Variants in WLS observed in about 807,000 individuals in gnomAD.
WLS encodes Wnt ligand secretion mediator.
A neutral mutation model predicts 62.8 loss-of-function variants in WLS; 23 were observed. The ratio of observed to expected loss-of-function variants is 0.37; its 90% CI spans 0.26 to 0.52. The LOEUF is 0.52. Among genes scored for constraint, WLS ranks in the 20% least tolerant of loss-of-function variants. The pLI is 0.92. For synonymous variants in WLS, 246 were observed against 244.1 expected, an observed-to-expected ratio of 1.01 and a Z score of -0.07; for missense variants, 615 against 697.3, an observed-to-expected ratio of 0.88 and a Z score of 1.33.
At chr1:68,108,479 A>G (rs1646177364) in intron 11 of WLS, among the ~76,000 whole-genome samples, 1 of 151,814 alleles carries the variant, frequency 6.6e-6, no homozygotes, top group South Asian at 2.1e-4. Context: ...CAGTGTACCC[A>G]CTCCAGCCAC....
chr1:68,130,543 A>C (rs774797777), intron 11 of WLS, among the ~76,000 whole-genome samples: 2 of 152,088 alleles, frequency 1.3e-5, no homozygotes, highest in Non-Finnish European at 2.9e-5. Flanking sequence ...TCTCCTATTC[A>C]CCTTCAAAGC....
intron 2 of WLS, among the ~76,000 whole-genome samples, chr1:68,164,407 C>T (rs1647031778): frequency 6.6e-6 from 1 of 151,984 alleles, no homozygotes; most frequent in Non-Finnish European, 1.5e-5. Context: ...TACAGGCGTG[C>T]ACCACCATGC....
intron 2 of WLS, chr1:68,161,738 C>G: frequency 6.4e-7 from 1 of 1,554,644 alleles, no homozygotes; most frequent in Non-Finnish European, 8.8e-7. Flanking sequence ...GAATGATTAC[C>G]TTCCGGCATT....
chr1:68,102,997 C>T (rs537303484), intron 11 of WLS, among the ~76,000 whole-genome samples: 3 of 151,942 alleles, frequency 2.0e-5, no homozygotes, highest in East Asian at 3.9e-4. Flanking sequence ...TTTTTTTTGC[C>T]GGGGGCACTG....
chr1:68,146,568 C>T (rs1349474682), intron 8 of WLS, among the ~76,000 whole-genome samples: 1 of 152,128 alleles, frequency 6.6e-6, no homozygotes, highest in Non-Finnish European at 1.5e-5. Flanking sequence ...GATACTCTGG[C>T]ATAATTGAAG....
chr1:68,160,421 C>T (rs1400014365), intron 2 of WLS, among the ~76,000 whole-genome samples: 1 of 152,070 alleles, frequency 6.6e-6, no homozygotes, highest in East Asian at 1.9e-4. Context: ...CTTTGTATCA[C>T]ATGAGGTAAT....
chr1:68,188,321 T>C (rs2100588173), intron 2 of WLS, among the ~76,000 whole-genome samples: 1 of 152,204 alleles, frequency 6.6e-6, no homozygotes, highest in East Asian at 1.9e-4. Flanking sequence ...AGCACCTCAA[T>C]CAGTTGCTTT....
chr1:68,106,099 C>T (rs550857590), intron 11 of WLS, among the ~76,000 whole-genome samples: 1 of 152,076 alleles, frequency 6.6e-6, no homozygotes, highest in Admixed American at 6.6e-5. Flanking sequence ...GGAGTTAGGA[C>T]TAGGAAGAAT....
chr1:68,161,051 A>G (rs1646965054), intron 2 of WLS, among the ~76,000 whole-genome samples: 1 of 152,224 alleles, frequency 6.6e-6, no homozygotes, highest in African/African-American at 2.4e-5. Flanking sequence ...TTTTAGCTCA[A>G]CTTTCCACTC....
At chr1:68,110,783 T>C (rs1358354448) in intron 11 of WLS, among the ~76,000 whole-genome samples, 1 of 151,942 alleles carries the variant, frequency 6.6e-6, no homozygotes, top group Non-Finnish European at 1.5e-5. Context: ...AAGGATATTG[T>C]GTTGTAGATC....
intron 11 of WLS, among the ~76,000 whole-genome samples, chr1:68,128,073 G>A (rs1018352179): frequency 1.3e-5 from 2 of 152,218 alleles, no homozygotes; most frequent in Admixed American, 1.3e-4. Context: ...GACTGCTGAA[G>A]ACATTTGGGG....
intron 11 of WLS, among the ~76,000 whole-genome samples, chr1:68,107,912 C>G (rs557418603): frequency 1.3e-5 from 2 of 152,084 alleles, no homozygotes; most frequent in African/African-American, 4.8e-5. Flanking sequence ...AGCACACTCC[C>G]CAGTGTGGCA....
chr1:68,140,570 C>T (rs904863812), intron 10 of WLS, among the ~76,000 whole-genome samples: 7 of 152,200 alleles, frequency 4.6e-5, no homozygotes, highest in Non-Finnish European at 8.8e-5. Context: ...GAGAGGCACA[C>T]ACCAAGCCTG....
chr1:68,231,782 A>G lies in WLS; in HGVS notation c.106+412T>C, dbSNP rs1369599663. On this transcript the variant is annotated intron_variant, in intron 1 of 11. Coordinates refer to ENST00000262348, the MANE Select transcript of WLS (RefSeq NM_024911.7). ...CCCCGACTCTTCTGTTGTTCCTAAT[A>G]AAGTCGATTACGTTGCCCTCCCGGA... 6.3e-6 allele frequency: 3 copies of G among 474,568 alleles called. No individual in the cohort carries two copies. The East Asian group carries it at 1.9e-4, about 31-fold the overall frequency. The allele number at this position is 474,568 out of a possible 1,614,324, so 29.4% of individuals were successfully genotyped here.
At chr1:68,110,007 T>TTA (rs1253049692) in intron 11 of WLS, among the ~76,000 whole-genome samples, 2 of 28,456 alleles carry the variant, frequency 7.0e-5, no homozygotes, top group Non-Finnish European at 1.3e-4. Flanking sequence ...ACACAAAAAG[T>TTA]AAAAAAAAAA....
At chr1:68,207,995 C>G (rs1429101422) in intron 1 of WLS, among the ~76,000 whole-genome samples, 5 of 152,216 alleles carry the variant, frequency 3.3e-5, no homozygotes, top group African/African-American at 1.2e-4. Context: ...ATTTAAGGAA[C>G]TAGAAGGTGT....
chr1:68,162,586 C>A (rs1439117792), intron 2 of WLS: 6 of 1,472,180 alleles, frequency 4.1e-6, no homozygotes, highest in Middle Eastern at 1.8e-4. Context: ...GGCCAACTCG[C>A]GGTTCTGCTC....
At position 68,161,040 on chromosome 1, in the gene WLS, G is replaced by T. The variant is rs74081398; in HGVS notation, c.380-1793C>A. Among the ~76,000 whole-genome samples the T allele has an allele frequency of 7.4e-3, 1,125 of 152,292 alleles. 14 individuals carry two copies. The highest frequency in any genetic ancestry group is 0.026 in the African/African-American group (1,069 of 41,566). On this transcript the variant is annotated intron_variant, in intron 2 of 11. Transcript: ENST00000262348. Reference sequence around the variant, plus strand: ...AATGCAACATTATTCTTCTTGAACCGTTTTAGCTCAACTTTCCACTCAATA... The same window carrying T: ...AATGCAACATTATTCTTCTTGAACCTTTTTAGCTCAACTTTCCACTCAATA...
At chr1:68,213,775 C>T (rs1649617532) in intron 1 of WLS, among the ~76,000 whole-genome samples, 1 of 152,110 alleles carries the variant, frequency 6.6e-6, no homozygotes, top group Non-Finnish European at 1.5e-5. Flanking sequence ...TCTTGTCTTC[C>T]CAAATTTAAG....
Sources: allele counts gnomAD v4.1 joint callset (sites outside exome capture counted in the v4.1 genomes callset), GRCh38; gene constraint gnomAD v4.1.1; transcripts MANE v1.5; gene names NCBI Gene and HGNC (gene_info 2026-07-23, HGNC 2026-07-21).